Variants in ATG7 observed in about 807,000 individuals in gnomAD.
ATG7 encodes autophagy related 7.
Under a neutral mutation model 82.4 loss-of-function variants are expected in ATG7, and 70 were observed. The ratio of observed to expected loss-of-function variants is 0.85; its 90% CI spans 0.70 to 1.04. The LOEUF is 1.04. Ranked by LOEUF, ATG7 falls within the 50% of genes least tolerant of loss-of-function variation. The pLI is 0.00. For missense variants in ATG7, 792 were observed against 864.3 expected (o/e 0.92, Z 1.05); for synonymous variants, 287 against 313.0 (o/e 0.92, Z 0.88).
intron 19 of ATG7, among the ~76,000 whole-genome samples, chr3:11,408,069 C>G (rs1246926509): frequency 2.0e-5 from 3 of 152,204 alleles, no homozygotes; most frequent in African/African-American, 7.2e-5. Flanking sequence ...AACTTTTATG[C>G]TCTGTTTCCC....
Position 11,298,868 on chromosome 3 carries a change from A to G in ATG7, c.160+13A>G. 1 of 1,613,752 alleles carries G rather than the reference A, an allele frequency of 6.2e-7. No individual in the cohort carries two copies. The highest frequency in any genetic ancestry group is 8.5e-7 in the Non-Finnish European group (1 of 1,179,734). On this transcript the variant is annotated intron_variant, in intron 4 of 20. Coordinates refer to ENST00000693202, the MANE Select transcript of ATG7 (RefSeq NM_001349232.2). Reference sequence around the variant, plus strand: ...TATTACTACAATGGTAGGTGATTGTAAATTTCATTTTCCATCATCTTCTGT... The same window carrying G: ...TATTACTACAATGGTAGGTGATTGTGAATTTCATTTTCCATCATCTTCTGT...
At chr3:11,551,399 T>C (rs927898016) in intron 20 of ATG7, among the ~76,000 whole-genome samples, 9 of 152,256 alleles carry the variant, frequency 5.9e-5, no homozygotes, top group Non-Finnish European at 1.2e-4. Context: ...TTGAGAAAGC[T>C]GACATCTTTA....
chr3:11,299,052 A>T, intron 4 of ATG7, 197 bp downstream of exon 4: 2 of 656,790 alleles, frequency 3.0e-6, no homozygotes, highest in Non-Finnish European at 5.0e-6. Flanking sequence ...AAAAAGAAAG[A>T]GAGTAGTGAA....
At chr3:11,402,892 A>T (rs1380690863) in intron 19 of ATG7, among the ~76,000 whole-genome samples, 1 of 152,212 alleles carries the variant, frequency 6.6e-6, no homozygotes, top group Non-Finnish European at 1.5e-5. Flanking sequence ...TTAATTTATC[A>T]ATTTAGCAGT....
chr3:11,415,618 C>T (rs145144803), intron 19 of ATG7, among the ~76,000 whole-genome samples: 69 of 152,190 alleles, frequency 4.5e-4, no homozygotes, highest in African/African-American at 1.4e-3. Flanking sequence ...CATTAGCCTA[C>T]GCCTACTCAG....
intron 20 of ATG7, among the ~76,000 whole-genome samples, chr3:11,553,042 A>C (rs1193246010): frequency 6.6e-6 from 1 of 151,976 alleles, no homozygotes; most frequent in African/African-American, 2.4e-5. Context: ...TGCCCTGCCC[A>C]GGCTGGCAGC....
intron 15 of ATG7, 74 bp downstream of exon 15, chr3:11,358,686 C>A: frequency 6.7e-7 from 1 of 1,482,688 alleles, no homozygotes; most frequent in Non-Finnish European, 9.1e-7. Context: ...CCCTAACCTT[C>A]CCTTCCCCAG....
chr3:11,315,145 C>T (rs1226288220), intron 8 of ATG7, among the ~76,000 whole-genome samples, 199 bp from the exon 9 acceptor site: 1 of 152,108 alleles, frequency 6.6e-6, no homozygotes, highest in Non-Finnish European at 1.5e-5. Context: ...CACCACCATG[C>T]CCCTGGAAAG....
At chr3:11,393,428 G>C (rs944190035) in intron 19 of ATG7, among the ~76,000 whole-genome samples, 1 of 152,144 alleles carries the variant, frequency 6.6e-6, no homozygotes, top group Non-Finnish European at 1.5e-5. Flanking sequence ...GAAAGGGTTT[G>C]TGTGTCTTCC....
chr3:11,389,703 A>G (rs1440404984), intron 19 of ATG7, among the ~76,000 whole-genome samples: 5 of 152,224 alleles, frequency 3.3e-5, no homozygotes, highest in Non-Finnish European at 7.3e-5. Context: ...CAGAGTCTTG[A>G]GTAAAGGCAG....
chr3:11,454,802 GT>G (rs762894024), intron 20 of ATG7, among the ~76,000 whole-genome samples: 11 of 152,140 alleles, frequency 7.2e-5, no homozygotes, highest in Non-Finnish European at 1.5e-4. Flanking sequence ...TTAAACAGAT[GT>G]TCATCAAATG....
intron 19 of ATG7, among the ~76,000 whole-genome samples, chr3:11,413,054 G>A (rs1381503466): frequency 1.3e-5 from 2 of 152,088 alleles, no homozygotes; most frequent in Non-Finnish European, 2.9e-5. Context: ...CTGCTTTGCT[G>A]AATTCAGTTT....
intron 20 of ATG7, among the ~76,000 whole-genome samples, chr3:11,432,197 C>T (rs1407397639): frequency 2.0e-5 from 3 of 151,966 alleles, no homozygotes; most frequent in East Asian, 1.9e-4. Flanking sequence ...GACTGGTTGG[C>T]GTTGGAGATG....
chr3:11,442,352 C>A (rs1297758545), intron 20 of ATG7, among the ~76,000 whole-genome samples: 1 of 152,148 alleles, frequency 6.6e-6, no homozygotes, highest in Non-Finnish European at 1.5e-5. Flanking sequence ...ATAATGCCTA[C>A]TCCACAAAGT....
chr3:11,386,901 C>G lies in ATG7; in HGVS notation c.1956+6849C>G, dbSNP rs190645264. On this transcript the variant is annotated intron_variant, in intron 19 of 20. Coordinates refer to ENST00000693202, the MANE Select transcript of ATG7 (RefSeq NM_001349232.2). ...CTGGTGAGGAGTATTTAGCTACAAGCCTTAACCTCAGAACTCTTGGCTCTT... is the reference window on the plus strand; with the variant it reads ...CTGGTGAGGAGTATTTAGCTACAAGGCTTAACCTCAGAACTCTTGGCTCTT... Among the ~76,000 whole-genome samples, 14 of 152,328 alleles carry G rather than the reference C, an allele frequency of 9.2e-5. No individual in the cohort carries two copies. The East Asian group carries it at 2.5e-3, about 27-fold the overall frequency.
At chr3:11,567,147 G>A in the ATG7 span, among the ~76,000 whole-genome samples, 48 of 152,268 alleles carry the variant, frequency 3.2e-4, no homozygotes, top group Non-Finnish European at 5.6e-4. Flanking sequence ...AGGGGCACGC[G>A]CTCAGCTTAG....
intron 19 of ATG7, among the ~76,000 whole-genome samples, chr3:11,415,756 A>G (rs1192109193): frequency 3.1e-5 from 2 of 64,314 alleles, no homozygotes. Context: ...GAATGCAGTT[A>G]ACTTTTTTTT....
chr3:11,335,654 C>T (rs1952331177), intron 11 of ATG7, among the ~76,000 whole-genome samples: 2 of 152,200 alleles, frequency 1.3e-5, no homozygotes, highest in Non-Finnish European at 2.9e-5. Context: ...GTTATTCTTA[C>T]ATCCTACTCT....
the ATG7 span, among the ~76,000 whole-genome samples, chr3:11,562,666 G>T: frequency 1.3e-5 from 2 of 152,262 alleles, no homozygotes. Flanking sequence ...GCTGCCGCAG[G>T]AAGGAGCCCC....
Sources: allele counts gnomAD v4.1 joint callset (sites outside exome capture counted in the v4.1 genomes callset), GRCh38; gene constraint gnomAD v4.1.1; transcripts MANE v1.5; gene names NCBI Gene and HGNC (gene_info 2026-07-23, HGNC 2026-07-21).